The following TRAF3IP1 variants were observed in gnomAD, a reference collection of about 807,000 sequenced individuals.
TRAF3IP1 encodes the protein TRAF3-interacting protein 1.
In TRAF3IP1, 53 loss-of-function variants were observed where a neutral mutation model predicts 89.9. That is an observed-to-expected ratio of 0.59 (90% CI 0.47 to 0.74). The LOEUF (loss-of-function observed/expected upper bound fraction) is 0.74, where lower values mean the gene tolerates loss of function less well. TRAF3IP1 is among the 30% of genes least tolerant of loss of function. The pLI, the probability that TRAF3IP1 is intolerant of heterozygous loss-of-function variation, is 0.00. For missense variants in TRAF3IP1, 806 were observed against 866.1 expected (o/e 0.93, Z 0.87); for synonymous variants, 311 against 322.1 (o/e 0.97, Z 0.37).
chr2:238,333,451 G>C (rs985211091), intron 6 of TRAF3IP1, among the ~76,000 whole-genome samples: 1 of 152,192 alleles, frequency 6.6e-6, no homozygotes, highest in Non-Finnish European at 1.5e-5. Flanking sequence ...GTCTTCAGGA[G>C]GTTGCAGGGA....
chr2:238,382,798 A>G (rs533579998), intron 15 of TRAF3IP1, among the ~76,000 whole-genome samples: 1 of 141,360 alleles, frequency 7.1e-6, no homozygotes, highest in South Asian at 2.4e-4. Flanking sequence ...AGAAGCCTGC[A>G]TGCTTCTCTC....
At position 238,349,402 on chromosome 2, in the gene TRAF3IP1, T is replaced by C; in HGVS notation, c.1445T>C (p.Met482Thr). 1.2e-6 allele frequency: 2 copies of C among 1,613,956 alleles called. No homozygotes were observed. The highest frequency in any genetic ancestry group is 1.7e-6 in the Non-Finnish European group (2 of 1,179,994). Residue 482 changes from methionine to threonine, a missense_variant, in exon 12 of 17, where the codon ATG (methionine) becomes ACG (threonine). By Grantham distance (81) the Met-to-Thr change is moderately conservative. This residue lies in a region of TRAF3IP1 where 732 missense variants were observed against 780.5 expected (regional missense o/e 0.94). Coordinates refer to ENST00000373327, the MANE Select transcript of TRAF3IP1 (RefSeq NM_015650.4). ...KRQDSMEALQ[M>T]DRSGSGKTVS... ...CAAGACAGCATGGAGGCGCTACAAATGGATAGGTAAGGCTGGCTCAGCAGG... is the reference window on the plus strand; with the variant it reads ...CAAGACAGCATGGAGGCGCTACAAACGGATAGGTAAGGCTGGCTCAGCAGG...
At chr2:238,328,082 A>G (rs1473673984) in intron 3 of TRAF3IP1, among the ~76,000 whole-genome samples, 1 of 152,088 alleles carries the variant, frequency 6.6e-6, no homozygotes, top group Non-Finnish European at 1.5e-5. Flanking sequence ...CCCGTTTTCT[A>G]TTTTTTTGGA....
intron 7 of TRAF3IP1, among the ~76,000 whole-genome samples, chr2:238,337,717 T>G (rs1050333092): frequency 3.3e-5 from 5 of 152,116 alleles, no homozygotes; most frequent in Non-Finnish European, 7.4e-5. Flanking sequence ...AAGATGAGAT[T>G]CATTGTGGGA....
At chr2:238,397,367 C>A in intron 15 of TRAF3IP1, 92 bp from the exon 16 acceptor site, 3 of 1,163,498 alleles carry the variant, frequency 2.6e-6, no homozygotes, top group South Asian at 1.4e-5. Context: ...GCCTTTCCTC[C>A]CAGCCCCATG....
At chr2:238,353,420 G>A (rs535445965) in intron 14 of TRAF3IP1, among the ~76,000 whole-genome samples, 5 of 152,340 alleles carry the variant, frequency 3.3e-5, no homozygotes, top group Non-Finnish European at 5.9e-5. Context: ...CCTTAGAGGA[G>A]GGGGAGGGCA....
Position 238,348,746 on chromosome 2 carries a change from T to G in TRAF3IP1, c.1283-18T>G, listed in dbSNP as rs753357808. The G allele has an allele frequency of 1.2e-6, 2 of 1,609,872 alleles. No individual in the cohort carries two copies. The highest frequency in any genetic ancestry group is 2.2e-5 in the South Asian group (2 of 90,922). ...GTGTTTTCCTTTGTGAATTGCTAATTGATTGTCATTTGTTTAGAAGGAGAT... is the reference window on the plus strand; with the variant it reads ...GTGTTTTCCTTTGTGAATTGCTAATGGATTGTCATTTGTTTAGAAGGAGAT... On this transcript the variant is annotated intron_variant, in intron 10 of 16. Transcript: ENST00000373327.
chr2:238,335,457 C>G (rs1294411723), intron 7 of TRAF3IP1, among the ~76,000 whole-genome samples: 1 of 152,048 alleles, frequency 6.6e-6, no homozygotes, highest in Non-Finnish European at 1.5e-5. Context: ...TTTACTTCCA[C>G]TTTTTTATTT....
At chr2:238,383,775 G>A (rs1403695338) in intron 15 of TRAF3IP1, among the ~76,000 whole-genome samples, 1 of 152,128 alleles carries the variant, frequency 6.6e-6, no homozygotes, top group East Asian at 1.9e-4. Context: ...TACTTTTCAT[G>A]TTGCAAATTG....
rs1195873662 is a variant in TRAF3IP1, at chr2:238,337,143, C to T, written c.1064-1219C>T. On this transcript the variant is annotated intron_variant, in intron 7 of 16. Transcript: ENST00000373327. Reference sequence around the variant, plus strand: ...GCTTAAATTGTCCATTTGAGCCTTCCTTCACTGATTCTGCAGACATTTATG... The same window carrying T: ...GCTTAAATTGTCCATTTGAGCCTTCTTTCACTGATTCTGCAGACATTTATG... Among the ~76,000 whole-genome samples, 3 of 152,298 alleles carry T rather than the reference C, an allele frequency of 2.0e-5. No individual in the cohort carries two copies. In the East Asian group the frequency reaches 5.8e-4, roughly 29 times the overall value.
intron 15 of TRAF3IP1, among the ~76,000 whole-genome samples, chr2:238,373,940 T>A (rs960218717): frequency 6.6e-6 from 1 of 152,214 alleles, no homozygotes; most frequent in Non-Finnish European, 1.5e-5. Flanking sequence ...TGTCTGTTAA[T>A]GGTGTATAGG....
At chr2:238,367,630 G>T (rs1242541262) in intron 15 of TRAF3IP1, among the ~76,000 whole-genome samples, 1 of 152,128 alleles carries the variant, frequency 6.6e-6, no homozygotes, top group Non-Finnish European at 1.5e-5. Context: ...AGAGACCGCG[G>T]TGGGACCGAG....
chr2:238,322,868 T>C (rs1697626843), intron 1 of TRAF3IP1, among the ~76,000 whole-genome samples: 1 of 152,114 alleles, frequency 6.6e-6, no homozygotes, highest in African/African-American at 2.4e-5. Flanking sequence ...TATGACCTAC[T>C]TGATAAAGTT....
At chr2:238,381,527 G>T (rs1700550912) in intron 15 of TRAF3IP1, among the ~76,000 whole-genome samples, 1 of 152,198 alleles carries the variant, frequency 6.6e-6, no homozygotes, top group Non-Finnish European at 1.5e-5. Flanking sequence ...GGGAAGGTGG[G>T]GGCCAGTCCT....
In TRAF3IP1 at chr2:238,385,295, C is replaced by T. The variant is rs549562972; in HGVS notation, c.1690-12164C>T. On this transcript the variant is annotated intron_variant, in intron 15 of 16. Transcript: ENST00000373327. ...CCTCCCAAAGTGCTGGGATTACAGG[C>T]GTGAACCGCTGCGCCTGGCCTGTAG... is the stretch of plus-strand genomic sequence containing the variant. Among the ~76,000 whole-genome samples the T allele has an allele frequency of 2.6e-5, 4 of 152,292 alleles. No individual in the cohort carries two copies. In the East Asian group the frequency reaches 7.7e-4, roughly 29 times the overall value.
intron 15 of TRAF3IP1, among the ~76,000 whole-genome samples, chr2:238,395,062 G>C (rs949906254): frequency 2.0e-5 from 3 of 152,136 alleles, no homozygotes; most frequent in African/African-American, 7.2e-5. Context: ...TGTCCAGGGA[G>C]GGCTTCCTAA....
At chr2:238,328,135 G>A (rs1697929527) in intron 3 of TRAF3IP1, among the ~76,000 whole-genome samples, 1 of 152,164 alleles carries the variant, frequency 6.6e-6, no homozygotes. Context: ...TGGTAAATCT[G>A]TGCCTAATTT....
intron 5 of TRAF3IP1, 35 bp from the exon 6 acceptor site, chr2:238,332,789 A>C (rs939310075): frequency 6.1e-6 from 9 of 1,475,094 alleles, no homozygotes; most frequent in Non-Finnish European, 8.4e-6. Flanking sequence ...GGATTGGAAT[A>C]ATTCTAAAGT....
intron 3 of TRAF3IP1, among the ~76,000 whole-genome samples, chr2:238,327,705 A>G (rs1207994935): frequency 6.6e-6 from 1 of 152,010 alleles, no homozygotes; most frequent in Non-Finnish European, 1.5e-5. Flanking sequence ...TCTCCTTGCA[A>G]AACAGACTCT....
Sources: gnomAD v4.1 joint callset for allele counts (sites outside exome capture counted in the v4.1 genomes callset) on GRCh38, gnomAD v4.1.1 for gene constraint, gnomAD v4.1.1 regional missense constraint, MANE v1.5 for transcripts, NCBI Gene and HGNC (gene_info 2026-07-23, HGNC 2026-07-21) for gene names.